Variants in NDUFAF5 observed in about 807,000 individuals in gnomAD.
NDUFAF5 encodes the protein NADH:ubiquinone oxidoreductase complex assembly factor 5.
A neutral mutation model predicts 48.9 loss-of-function variants in NDUFAF5; 34 were observed. That is an observed-to-expected ratio of 0.70 (90% confidence interval 0.53 to 0.93). The LOEUF (loss-of-function observed/expected upper bound fraction) is 0.93. NDUFAF5 is among the 40% of genes least tolerant of loss of function. NDUFAF5 has a pLI of 0.00. For missense variants in NDUFAF5, 428 were observed against 427.5 expected (o/e 1.00, Z -0.01); for synonymous variants, 153 against 150.6 (o/e 1.02, Z -0.12).
intron 7 of NDUFAF5, among the ~76,000 whole-genome samples, chr20:13,807,008 A>G (rs1568773824): frequency 6.6e-6 from 1 of 151,718 alleles, no homozygotes; most frequent in Non-Finnish European, 1.5e-5. Context: ...CTGCCTCCCA[A>G]ATAGCTGGGA....
intron 5 of NDUFAF5, among the ~76,000 whole-genome samples, chr20:13,796,847 C>T (rs116591600): frequency 0.012 from 1,787 of 152,208 alleles, 45 homozygotes; most frequent in African/African-American, 0.04. Flanking sequence ...CATGTCATGG[C>T]GCATGCCTGT....
Position 13,788,632 on chromosome 20 carries a change from A to G in NDUFAF5, c.307A>G (p.Ile103Val), listed in dbSNP as rs768781596. 6.2e-6 allele frequency: 10 copies of G among 1,610,212 alleles called. No individual in the cohort carries two copies. In the African/African-American group the frequency reaches 8.0e-5, roughly 13 times the overall value. Reference sequence around the variant, plus strand: ...GGATCTTGGTTGTGGAAGAGGTTACATTGCACAATATTTGAATAAGGTATA... The same window carrying G: ...GGATCTTGGTTGTGGAAGAGGTTACGTTGCACAATATTTGAATAAGGTATA... ...ALDLGCGRGYIAQYLNKETIG... is the reference protein window; with the variant it reads ...ALDLGCGRGYVAQYLNKETIG... Residue 103 changes from isoleucine to valine, a missense_variant, in exon 3 of 11, where the codon ATT (isoleucine) becomes GTT (valine). Physicochemically the swap from Ile to Val is conservative, Grantham distance 29 (BLOSUM62 3). Coordinates refer to ENST00000378106, the MANE Select transcript of NDUFAF5 (RefSeq NM_024120.5).
At chr20:13,796,115 T>A (rs1324330400) in intron 5 of NDUFAF5, among the ~76,000 whole-genome samples, 1 of 152,218 alleles carries the variant, frequency 6.6e-6, no homozygotes, top group Non-Finnish European at 1.5e-5. Flanking sequence ...CCACGTCCAG[T>A]TCAACTCTTT....
At chr20:13,787,187 G>A (rs755757993) in intron 1 of NDUFAF5, 125 bp from the exon 2 acceptor site, 53 of 1,058,280 alleles carry the variant, frequency 5.0e-5, no homozygotes, top group Non-Finnish European at 7.7e-5. Context: ...GAAAGTTCCT[G>A]TGGTGAAATT....
chr20:13,803,155 A>G (rs1984465988), intron 7 of NDUFAF5: 2 of 152,210 alleles, frequency 1.3e-5, no homozygotes, highest in Non-Finnish European at 2.9e-5. Context: ...TATAGAAGCA[A>G]GGGGCATGGG....
rs189632098 is a variant in NDUFAF5 at position 13,809,578 on chromosome 20, C to T, written c.778+676C>T. 5.4e-3 allele frequency among the ~76,000 whole-genome samples: 820 copies of T among 152,284 alleles called. 20 individuals carry two copies. The highest frequency in any genetic ancestry group is 0.047 in the Admixed American group (721 of 15,286). Reference sequence around the variant, plus strand: ...TTAAGTGATGACCTTGGTGGGTCAACGTGAGTCACAGATCAAATGCAGAAG... The same window carrying T: ...TTAAGTGATGACCTTGGTGGGTCAATGTGAGTCACAGATCAAATGCAGAAG... On this transcript the variant is annotated intron_variant, in intron 8 of 10. Transcript: ENST00000378106.
At chr20:13,812,627 T>C (rs1269255609) in intron 8 of NDUFAF5, among the ~76,000 whole-genome samples, 1 of 152,218 alleles carries the variant, frequency 6.6e-6, no homozygotes, top group African/African-American at 2.4e-5. Context: ...AACTCTGTGC[T>C]TAGTGCAATT....
intron 6 of NDUFAF5, among the ~76,000 whole-genome samples, chr20:13,799,942 G>T (rs1983869489): frequency 6.6e-6 from 1 of 152,058 alleles, no homozygotes. Context: ...AAAAGTAGGG[G>T]AAAGAATGTT....
In NDUFAF5 at chr20:13,785,179, T is replaced by G; in HGVS notation, c.111T>G (p.Gly37=). The change falls in exon 1 of 11, where the codon GGT becomes GGG. Residue 37 remains glycine (G), a synonymous_variant. Transcript: ENST00000378106. ...TCACCTCTGGTGTCTCTCCCCGCGG[T>G]AGCACCTCGCCCAGAACCCTGAATA... ...REVTSGVSPR[G]STSPRTLNIF... The G allele has an allele frequency of 6.2e-7, 1 of 1,613,814 alleles. No individual in the cohort carries two copies. The highest frequency in any genetic ancestry group is 8.5e-7 in the Non-Finnish European group (1 of 1,179,888).
rs894577709 is a variant in NDUFAF5, at chr20:13,798,233, G to A, written c.480-228G>A. Among the ~76,000 whole-genome samples, 10 of 152,138 alleles carry A rather than the reference G, an allele frequency of 6.6e-5. 1 individual carries two copies. Among genetic ancestry groups the A allele is most frequent in the African/African-American group, 2.2e-4 (9 of 41,418 alleles). ...AATCATATCAGATTCTTTCAGTTAC[G>A]CAAAGTGATATATTGACATGGGGAA... On this transcript the variant is annotated intron_variant, in intron 5 of 10. Transcript: ENST00000378106.
At chr20:13,785,437 C>G in intron 1 of NDUFAF5, 147 bp downstream of exon 1, 2 of 659,336 alleles carry the variant, frequency 3.0e-6, no homozygotes, top group South Asian at 1.9e-5. Flanking sequence ...CTACTGTAAT[C>G]ACGCAAGGCC....
At chr20:13,795,450 T>TAACTCATTCTGGACAAATTCTGGACA (rs945271674) in intron 5 of NDUFAF5, among the ~76,000 whole-genome samples, 1 of 152,176 alleles carries the variant, frequency 6.6e-6, no homozygotes. Flanking sequence ...CCAACAATCA[T>TAACTCATTCTGGACAAATTCTGGACA]AACTCATTCT....
intron 8 of NDUFAF5, among the ~76,000 whole-genome samples, chr20:13,809,532 C>T (rs144766060): frequency 1.3e-5 from 2 of 152,274 alleles, no homozygotes; most frequent in Admixed American, 1.3e-4. Context: ...GGCTGGTGTT[C>T]AGGGAGTAAG....
rs1040163046 is a variant in NDUFAF5, at chr20:13,809,020, C to G, written c.778+118C>G. 2.1e-5 allele frequency: 15 copies of G among 724,066 alleles called. No individual in the cohort carries two copies. The Admixed American group carries it at 2.3e-4, about 11-fold the overall frequency. The allele number at this position is 724,066 out of a possible 1,614,324, so 44.9% of individuals were successfully genotyped here. On this transcript the variant is annotated intron_variant, in intron 8 of 10. Coordinates refer to ENST00000378106, the MANE Select transcript of NDUFAF5 (RefSeq NM_024120.5). Reference sequence around the variant, plus strand: ...AGCCAGCTCTTTGGCAGGCACTGGGCAAAGCACTAGGGATCCATTGTTGAG... The same window carrying G: ...AGCCAGCTCTTTGGCAGGCACTGGGGAAAGCACTAGGGATCCATTGTTGAG...
chr20:13,798,708 A>G (rs1364562820), intron 6 of NDUFAF5, among the ~76,000 whole-genome samples: 2 of 152,232 alleles, frequency 1.3e-5, no homozygotes, highest in African/African-American at 2.4e-5. Flanking sequence ...AATTGTAGAG[A>G]TAAGTTTTAA....
At chr20:13,792,817 G>T (rs937725965) in intron 3 of NDUFAF5, among the ~76,000 whole-genome samples, 2 of 152,154 alleles carry the variant, frequency 1.3e-5, no homozygotes, top group Non-Finnish European at 2.9e-5. Flanking sequence ...TCTTTACTCT[G>T]TAAACTCTTT....
At position 13,793,171 on chromosome 20, in the gene NDUFAF5, C is replaced by A. The variant is rs1381117521; in HGVS notation, c.328-9C>A. The A allele has an allele frequency of 1.2e-6, 2 of 1,613,758 alleles. No individual in the cohort carries two copies. The highest frequency in any genetic ancestry group is 1.7e-6 in the Non-Finnish European group (2 of 1,179,894). ...TTTGTTTGTTTCAGCTTCAGTTATT[C>A]CATTGCAGGAAACTATTGGAAAGTT... On this transcript the variant is annotated splice_polypyrimidine_tract_variant and intron_variant, in intron 3 of 10. Coordinates refer to ENST00000378106, the MANE Select transcript of NDUFAF5 (RefSeq NM_024120.5).
intron 5 of NDUFAF5, among the ~76,000 whole-genome samples, chr20:13,797,729 A>G (rs988034141): frequency 2.0e-5 from 3 of 152,172 alleles, no homozygotes; most frequent in African/African-American, 4.8e-5. Flanking sequence ...AATGTAAACT[A>G]TGGACTTGGG....
intron 8 of NDUFAF5, 57 bp downstream of exon 8, chr20:13,808,959 G>A: frequency 1.7e-6 from 2 of 1,160,906 alleles, no homozygotes; most frequent in Non-Finnish European, 2.6e-6. Flanking sequence ...CAAAAAAAAA[G>A]AATTTTTAGA....
Sources: gnomAD v4.1 joint callset for allele counts (sites outside exome capture counted in the v4.1 genomes callset) on GRCh38, gnomAD v4.1.1 for gene constraint, MANE v1.5 for transcripts, NCBI Gene and HGNC (gene_info 2026-07-23, HGNC 2026-07-21) for gene names.